NBPF8: variants seen among roughly 807,000 people sequenced by gnomAD.
NBPF8 encodes NBPF member 8.
At chr1:120,420,999 C>T (rs1381414937) in intron 1 of NBPF8, among the ~76,000 whole-genome samples, 23 of 144,762 alleles carry the variant, frequency 1.6e-4, no homozygotes, top group South Asian at 2.2e-4. Context: ...GACAAATGGA[C>T]GATGTCAGAC....
exon 13 of NBPF8, chr1:120,452,155 T>A (rs1661294515): frequency 6.2e-7 from 1 of 1,604,768 alleles, no homozygotes; most frequent in East Asian, 2.2e-5. Context: ...GAACGAGAGC[T>A]GACCCAGTTA....
At chr1:120,425,257 C>T (rs1335629920) in intron 1 of NBPF8, among the ~76,000 whole-genome samples, 5 of 151,532 alleles carry the variant, frequency 3.3e-5, no homozygotes, top group African/African-American at 9.7e-5. Flanking sequence ...GTCTCCTCCT[C>T]GTCCCTGGGC....
At chr1:120,464,129 C>G (rs1553250572) in intron 22 of NBPF8, among the ~76,000 whole-genome samples, 15 of 50,582 alleles carry the variant, frequency 3.0e-4, no homozygotes, top group African/African-American at 1.7e-3. Flanking sequence ...CTCTCTCTCT[C>G]TCTCTGTGTG....
upstream of NBPF8, among the ~76,000 whole-genome samples, chr1:120,418,574 AGT>A (rs1419085334): frequency 3.3e-5 from 5 of 150,962 alleles, no homozygotes; most frequent in African/African-American, 1.2e-4. Context: ...TTCTTGAGAC[AGT>A]GTCTCGCTCT....
At chr1:120,449,903 A>G (rs1556606508) in intron 11 of NBPF8, among the ~76,000 whole-genome samples, 1 of 152,148 alleles carries the variant, frequency 6.6e-6, no homozygotes, top group African/African-American at 2.4e-5. Flanking sequence ...TCCTAATAGA[A>G]CCTGTGCTGT....
chr1:120,419,320 A>ACAGATAGAC (rs1271106803), upstream of NBPF8, among the ~76,000 whole-genome samples: 1 of 152,220 alleles, frequency 6.6e-6, no homozygotes, highest in East Asian at 1.9e-4. Context: ...ATATACGTGT[A>ACAGATAGAC]CAGATAGACC....
upstream of NBPF8, among the ~76,000 whole-genome samples, chr1:120,415,868 G>A (rs1453361905): frequency 6.6e-6 from 1 of 152,184 alleles, no homozygotes; most frequent in Non-Finnish European, 1.5e-5. Context: ...AAGAGTTGGC[G>A]TGATTTCCCT....
upstream of NBPF8, among the ~76,000 whole-genome samples, chr1:120,435,484 C>T (rs1347890388): frequency 8.1e-6 from 1 of 122,994 alleles, no homozygotes; most frequent in African/African-American, 3.6e-5. Flanking sequence ...TATTACTTGG[C>T]CAAAACAAAA....
At chr1:120,450,002 G>A (rs1465740740) in intron 11 of NBPF8, among the ~76,000 whole-genome samples, 1 of 152,078 alleles carries the variant, frequency 6.6e-6, no homozygotes, top group Non-Finnish European at 1.5e-5. Context: ...GCTGAGGCGG[G>A]CAGATCATCA....
downstream of NBPF8, among the ~76,000 whole-genome samples, chr1:120,469,168 A>G (rs1300829529): frequency 9.4e-6 from 1 of 106,510 alleles, no homozygotes; most frequent in Non-Finnish European, 1.9e-5. Context: ...GAACTTGTAA[A>G]AATACAATCT....
intron 1 of NBPF8, among the ~76,000 whole-genome samples, chr1:120,422,958 CCTT>C (rs1376081699): frequency 1.8e-3 from 28 of 15,174 alleles, no homozygotes; most frequent in African/African-American, 0.016. Context: ...AGATCTTTCA[CCTT>C]TTTTTTTTTT....
chr1:120,462,911 C>T (rs1553250464), exon 21 of NBPF8: 1 of 462,582 alleles, frequency 2.2e-6, no homozygotes, highest in South Asian at 2.1e-5. Flanking sequence ...AGCCCTACAG[C>T]AGTGCTGTTT....
intron 12 of NBPF8, among the ~76,000 whole-genome samples, chr1:120,451,674 C>T (rs1661275690): frequency 6.8e-6 from 1 of 147,314 alleles, no homozygotes; most frequent in Non-Finnish European, 1.5e-5. Context: ...ATCAATGTTG[C>T]CTTCTCGACC....
upstream of NBPF8, among the ~76,000 whole-genome samples, chr1:120,435,932 T>G (rs1225642069): frequency 6.6e-6 from 1 of 151,724 alleles, no homozygotes; most frequent in Non-Finnish European, 1.5e-5. Context: ...TATGACTTCA[T>G]GACTACCATT....
At chr1:120,462,809 G>A (rs1661629740) in exon 21 of NBPF8, 1 of 309,638 alleles carries the variant, frequency 3.2e-6, no homozygotes, top group East Asian at 6.4e-5. Context: ...GCAGGGAGCT[G>A]CTGGATGAGA....
At chr1:120,434,294 T>G (rs1287148016), upstream of NBPF8, among the ~76,000 whole-genome samples, 1 of 147,550 alleles carries the variant, frequency 6.8e-6, no homozygotes, top group Non-Finnish European at 1.5e-5. Context: ...ACGTATTATA[T>G]ATATATACAC....
chr1:120,465,903 A>C lies in NBPF8; in HGVS notation n.3569-75A>C, dbSNP rs1391927983. The C allele has an allele frequency of 1.2e-5, 19 of 1,611,264 alleles. 1 individual carries two copies. In the African/African-American group the frequency reaches 1.7e-4, roughly 15 times the overall value. On this transcript the variant is annotated intron_variant and non_coding_transcript_variant, in intron 24 of 24. Coordinates refer to ENST00000583271, the Ensembl canonical transcript of NBPF8. ...TCTTTTCTAACCACTTCCTTATGTTACTTCTGAAATCTAGTGGGGCTCTGT... is the reference window on the plus strand; with the variant it reads ...TCTTTTCTAACCACTTCCTTATGTTCCTTCTGAAATCTAGTGGGGCTCTGT...
chr1:120,428,986 C>T (rs1273329695), intron 3 of NBPF8, among the ~76,000 whole-genome samples: 4 of 147,652 alleles, frequency 2.7e-5, no homozygotes, highest in African/African-American at 7.6e-5. Flanking sequence ...CTAGTATTCT[C>T]CTTTTGTTTC....
At chr1:120,467,953 T>A (rs1385725725), downstream of NBPF8, among the ~76,000 whole-genome samples, 6 of 151,686 alleles carry the variant, frequency 4.0e-5, no homozygotes, top group Non-Finnish European at 7.4e-5. Flanking sequence ...AGTGTGAGAG[T>A]GTGTGTGTGC....
Sources: gnomAD v4.1 joint callset for allele counts (sites outside exome capture counted in the v4.1 genomes callset) on GRCh38, gnomAD v4.1.1 for gene constraint, MANE v1.5 for transcripts, NCBI Gene and HGNC (gene_info 2026-07-23, HGNC 2026-07-21) for gene names.